Variants in ENTREP2 observed in about 807,000 individuals in gnomAD.
ENTREP2 encodes protein ENTREP2.
At chr15:29,322,637 G>C in the ENTREP2 span, among the ~76,000 whole-genome samples, 1 of 152,190 alleles carries the variant, frequency 6.6e-6, no homozygotes, top group Non-Finnish European at 1.5e-5. Context: ...GTCTCCACGA[G>C]TGCTGCTCTG....
chr15:29,633,864 C>T, the ENTREP2 span, among the ~76,000 whole-genome samples: 380 of 152,078 alleles, frequency 2.5e-3, no homozygotes, highest in African/African-American at 8.8e-3. Flanking sequence ...GAGGCTGAGG[C>T]GAGAGAATCG....
the ENTREP2 span, among the ~76,000 whole-genome samples, chr15:29,591,952 G>A: frequency 6.6e-6 from 1 of 151,972 alleles, no homozygotes; most frequent in Admixed American, 6.5e-5. Context: ...GCCAAGCAAT[G>A]CCAAGGATGG....
chr15:29,225,480 G>A, the ENTREP2 span, among the ~76,000 whole-genome samples: 5 of 152,282 alleles, frequency 3.3e-5, no homozygotes, highest in African/African-American at 1.2e-4. Context: ...TGTGGGAATC[G>A]GGCAGGGAAT....
At chr15:29,600,900 T>TCTAATGCTCGTAAAAACATTAAAATCTC in the ENTREP2 span, among the ~76,000 whole-genome samples, 1 of 124,294 alleles carries the variant, frequency 8.0e-6, no homozygotes, top group African/African-American at 4.1e-5. Context: ...TGATTTTTCT[T>TCTAATGCTCGTAAAAACATTAAAATCTC]TCTTTTTTTT....
At chr15:29,126,529 G>T in the ENTREP2 span, 3 of 1,524,886 alleles carry the variant, frequency 2.0e-6, no homozygotes, top group African/African-American at 1.4e-5. Flanking sequence ...GTGGGCGGCC[G>T]CAGGGGACGC....
At chr15:29,652,904 T>C in the ENTREP2 span, among the ~76,000 whole-genome samples, 2,227 of 152,258 alleles carry the variant, frequency 0.015, 48 homozygotes, top group African/African-American at 0.051. Context: ...AGGAATAAGC[T>C]GAATAGACTG....
the ENTREP2 span, among the ~76,000 whole-genome samples, chr15:29,209,743 T>C: frequency 2.0e-5 from 3 of 152,114 alleles, no homozygotes; most frequent in Admixed American, 2.0e-4. Flanking sequence ...AGACTCAGCC[T>C]GAGCATCTCC....
At chr15:29,119,478 T>C in the ENTREP2 span, among the ~76,000 whole-genome samples, 76 of 25,232 alleles carry the variant, frequency 3.0e-3, 7 homozygotes, top group African/African-American at 5.6e-3. Flanking sequence ...AGGGATAGCA[T>C]TGGGAGATAT....
chr15:29,399,985 A>T, the ENTREP2 span, among the ~76,000 whole-genome samples: 1 of 152,184 alleles, frequency 6.6e-6, no homozygotes, highest in African/African-American at 2.4e-5. Context: ...ATCCACATAT[A>T]AGTGGACCTA....
chr15:29,485,566 G>T, the ENTREP2 span, among the ~76,000 whole-genome samples: 1 of 152,194 alleles, frequency 6.6e-6, no homozygotes, highest in Non-Finnish European at 1.5e-5. Flanking sequence ...TACCATTGAG[G>T]CACACGGTAG....
the ENTREP2 span, among the ~76,000 whole-genome samples, chr15:29,401,211 A>G: frequency 1.4e-5 from 2 of 143,016 alleles, no homozygotes; most frequent in Non-Finnish European, 3.2e-5. Context: ...GAACACATTT[A>G]TGGTTAAAAA....
At chr15:29,128,661 A>G in the ENTREP2 span, 1 of 768,834 alleles carries the variant, frequency 1.3e-6, no homozygotes, top group South Asian at 1.5e-5. Flanking sequence ...CACCCTCTTA[A>G]AGAGTAAGAA....
the ENTREP2 span, among the ~76,000 whole-genome samples, chr15:29,221,764 A>G: frequency 6.6e-6 from 1 of 152,160 alleles, no homozygotes; most frequent in African/African-American, 2.4e-5. Flanking sequence ...ACAGAAAGGG[A>G]GAAAGGGCTA....
chr15:29,646,478 G>A, the ENTREP2 span, among the ~76,000 whole-genome samples: 1 of 152,158 alleles, frequency 6.6e-6, no homozygotes, highest in African/African-American at 2.4e-5. Context: ...GAGGCCCTCT[G>A]TGTCTTCAAA....
At chr15:29,187,264 T>C in the ENTREP2 span, among the ~76,000 whole-genome samples, 53,565 of 151,930 alleles carry the variant, frequency 0.35, 9,700 homozygotes, top group East Asian at 0.55. Context: ...CTGTTTTTCT[T>C]TCTTTCTTTT....
chr15:29,136,355 C>T, the ENTREP2 span: 1 of 1,491,748 alleles, frequency 6.7e-7, no homozygotes, highest in Non-Finnish European at 8.9e-7. Flanking sequence ...GTCTGGGGCC[C>T]CAGGCCTCAC....
chr15:29,532,287 T>C, the ENTREP2 span, among the ~76,000 whole-genome samples: 1 of 152,160 alleles, frequency 6.6e-6, no homozygotes, highest in Non-Finnish European at 1.5e-5. Flanking sequence ...TACTAAAACT[T>C]TGAAATATAT....
the ENTREP2 span, among the ~76,000 whole-genome samples, chr15:29,282,618 A>G: frequency 3.3e-5 from 5 of 151,642 alleles, no homozygotes; most frequent in Admixed American, 3.3e-4. Flanking sequence ...TTCTCCACCC[A>G]CCTCATGAAT....
chr15:29,225,437 C>A, the ENTREP2 span, among the ~76,000 whole-genome samples: 1 of 152,198 alleles, frequency 6.6e-6, no homozygotes, highest in Non-Finnish European at 1.5e-5. Flanking sequence ...AGATGATGAA[C>A]CTTGAAGATC....
Sources: allele counts gnomAD v4.1 joint callset (sites outside exome capture counted in the v4.1 genomes callset), GRCh38; gene constraint gnomAD v4.1.1; transcripts MANE v1.5; gene names NCBI Gene and HGNC (gene_info 2026-07-23, HGNC 2026-07-21).